The following GPR174 variants were observed in gnomAD, a reference collection of about 807,000 sequenced individuals.
GPR174 encodes the protein probable G protein-coupled receptor 174.
A neutral mutation model predicts 16.5 loss-of-function variants in GPR174; 8 were observed. The observed-to-expected ratio is 0.48, with a 90% CI of 0.28 to 0.87. GPR174 has a LOEUF of 0.87. Among genes scored for constraint, GPR174 ranks in the 40% least tolerant of loss-of-function variants. The probability of loss-of-function intolerance (pLI) is 0.09; values close to 1 mark genes in which losing one functional copy is unlikely to be tolerated. For synonymous variants in GPR174, 111 were observed against 94.8 expected, an observed-to-expected ratio of 1.17 and a Z score of -0.99; for missense variants, 214 against 247.5, an observed-to-expected ratio of 0.86 and a Z score of 0.91.
chrX:79,171,852 GT>G lies in GPR174; in HGVS notation c.846del (p.Leu283Ter). 2.5e-6 allele frequency: 3 copies of G among 1,211,223 alleles called. No individual in the cohort carries two copies. The highest frequency in any genetic ancestry group is 2.2e-6 in the Non-Finnish European group (2 of 895,316). Reference protein sequence around the residue: ...IFHSVALCLASLNSCLDPVIY... With the variant: ...IFHSVALCLAXLNSCLDPVIY... The stretch of plus-strand genomic sequence containing the variant: ...CATTCTGTGGCATTGTGTCTTGCTA[GT>G]CTGAATTCATGTCTTGACCCAGTCA... On this transcript the variant is annotated frameshift_variant, in exon 3 of 3. Transcript: ENST00000645147. LOFTEE classifies it high-confidence loss of function.
At chrX:79,168,844 C>A (rs1429389103) in intron 2 of GPR174, among the ~76,000 whole-genome samples, 1 of 111,165 alleles carries the variant, frequency 9.0e-6, no homozygotes, top group Non-Finnish European at 1.9e-5. Context: ...TATCAACTAC[C>A]ATCTTCATAG....
In GPR174 at chrX:79,171,348, T is replaced by C. The variant is rs1473557996; in HGVS notation, c.341T>C (p.Val114Ala). Residue 114 changes from valine (V) to alanine (A), a missense_variant, in exon 3 of 3, where the codon GTG (valine) becomes GCG (alanine). Transcript: ENST00000645147. ...ASIYFLVCISVRRFWFLMYPF... is the reference protein window; with the variant it reads ...ASIYFLVCISARRFWFLMYPF... ...ATCTACTTCTTGGTCTGCATCAGTG[T>C]GCGACGATTTTGGTTTCTCATGTAC... 1 of 1,211,753 alleles carries C rather than the reference T, an allele frequency of 8.3e-7. No homozygotes were observed. The highest frequency in any genetic ancestry group is 2.2e-5 in the Admixed American group (1 of 46,031).
At chrX:79,154,853 C>A (rs1602337588) in intron 1 of GPR174, among the ~76,000 whole-genome samples, 2 of 111,019 alleles carry the variant, frequency 1.8e-5, no homozygotes, top group South Asian at 3.8e-4. Context: ...CACCCTGTTT[C>A]TCTCAGCTTA....
At chrX:79,147,744 G>A (rs1926529659) in intron 1 of GPR174, among the ~76,000 whole-genome samples, 1 of 111,029 alleles carries the variant, frequency 9.0e-6, no homozygotes, top group African/African-American at 3.3e-5. Flanking sequence ...ATATGCGGTT[G>A]ATCAACTAAG....
Position 79,173,591 on chromosome X carries a change from C to T in GPR174, c.*1582C>T, listed in dbSNP as rs1921569322. Reference sequence around the variant, plus strand: ...TAGGCATACAGTTATGATACTAATACATTAGGGGAAAACTGGTGACATCAA... The same window carrying T: ...TAGGCATACAGTTATGATACTAATATATTAGGGGAAAACTGGTGACATCAA... On this transcript the variant is annotated 3_prime_UTR_variant, in exon 3 of 3. Coordinates refer to ENST00000645147, the MANE Select transcript of GPR174 (RefSeq NM_032553.3). 1 of 111,854 alleles carries T rather than the reference C, an allele frequency of 8.9e-6. No individual in the cohort carries two copies. Among genetic ancestry groups the T allele is most frequent in the Non-Finnish European group, 1.9e-5 (1 of 53,105 alleles). 9.2% of individuals were successfully genotyped at this position (111,854 alleles called of 1,213,427 possible). A position where few individuals can be genotyped will look rare whatever the true frequency, so the allele number is the denominator to read the frequency against.
rs1250200029 is a variant in GPR174 at position 79,170,812 on chromosome X, C to A, written c.-196C>A. On this transcript the variant is annotated 5_prime_UTR_variant, in exon 3 of 3. Coordinates refer to ENST00000645147, the MANE Select transcript of GPR174 (RefSeq NM_032553.3). Reference sequence around the variant, plus strand: ...GTAGTTACTCTAGAGAAATCTAAATCAAAAATGCAGATCATTCTTTGAAAA... The same window carrying A: ...GTAGTTACTCTAGAGAAATCTAAATAAAAAATGCAGATCATTCTTTGAAAA... 2.6e-5 allele frequency: 11 copies of A among 421,037 alleles called. No homozygotes were observed. Among genetic ancestry groups the A allele is most frequent in the South Asian group, 4.3e-5 (1 of 23,131 alleles). The allele number at this position is 421,037 out of a possible 1,213,427, so 34.7% of individuals were successfully genotyped here. A position where few individuals can be genotyped will look rare whatever the true frequency, so the allele number is the denominator to read the frequency against.
intron 2 of GPR174, among the ~76,000 whole-genome samples, chrX:79,166,209 G>T (rs1921356888): frequency 9.0e-6 from 1 of 111,361 alleles, no homozygotes. Flanking sequence ...CAGATATTTG[G>T]CTACATGTAA....
At chrX:79,153,435 G>A (rs960316640) in intron 1 of GPR174, among the ~76,000 whole-genome samples, 3 of 111,614 alleles carry the variant, frequency 2.7e-5, no homozygotes, top group African/African-American at 6.5e-5. Flanking sequence ...AATAACATTC[G>A]TCTTATTTTA....
intron 2 of GPR174, among the ~76,000 whole-genome samples, chrX:79,160,625 A>C (rs1176228696): frequency 8.9e-6 from 1 of 111,848 alleles, no homozygotes; most frequent in African/African-American, 3.3e-5. Flanking sequence ...AGATTTCATG[A>C]AGATGTATAC....
chrX:79,146,922 T>G (rs1203169382), intron 1 of GPR174, among the ~76,000 whole-genome samples: 1 of 111,378 alleles, frequency 9.0e-6, no homozygotes, highest in Non-Finnish European at 1.9e-5. Context: ...CTCCTTTTCC[T>G]GATCTCCACC....
intron 1 of GPR174, among the ~76,000 whole-genome samples, chrX:79,152,899 G>A (rs1300918601): frequency 8.9e-6 from 1 of 111,988 alleles, no homozygotes; most frequent in African/African-American, 3.2e-5. Context: ...AAAATACCTT[G>A]TGCTACTGGA....
At chrX:79,168,691 G>A (rs904829026) in intron 2 of GPR174, among the ~76,000 whole-genome samples, 1 of 110,284 alleles carries the variant, frequency 9.1e-6, no homozygotes, top group Non-Finnish European at 1.9e-5. Context: ...ATAAGACAGA[G>A]CTGTCTTGTC....
Position 79,171,821 on chromosome X carries a change from A to G in GPR174, c.814A>G (p.Ile272Val), listed in dbSNP as rs1020030761. The change falls in exon 3 of 3, where the codon ATA (isoleucine) becomes GTA (valine). Residue 272 changes from isoleucine to valine, a missense_variant. Physicochemically the swap from Ile to Val is conservative, Grantham distance 29 (BLOSUM62 3). Coordinates refer to ENST00000645147, the MANE Select transcript of GPR174 (RefSeq NM_032553.3). ...KSCLARRVIL[I>V]FHSVALCLAS... Reference sequence around the variant, plus strand: ...CTGCCTAGCCAGAAGGGTGATTCTAATATTTCATTCTGTGGCATTGTGTCT... The same window carrying G: ...CTGCCTAGCCAGAAGGGTGATTCTAGTATTTCATTCTGTGGCATTGTGTCT... 21 of 1,208,729 alleles carry G rather than the reference A, an allele frequency of 1.7e-5. No individual in the cohort carries two copies. Among genetic ancestry groups the G allele is most frequent in the Non-Finnish European group, 2.3e-5 (21 of 894,670 alleles).
At chrX:79,153,346 T>A (rs1921023490) in intron 1 of GPR174, among the ~76,000 whole-genome samples, 1 of 112,122 alleles carries the variant, frequency 8.9e-6, no homozygotes, top group Non-Finnish European at 1.9e-5. Flanking sequence ...AAGGTATTGT[T>A]CATCTCATCA....
chrX:79,171,623 T>C lies in GPR174; in HGVS notation c.616T>C (p.Trp206Arg), dbSNP rs770700123. 3.3e-5 allele frequency: 40 copies of C among 1,209,429 alleles called. No individual in the cohort carries two copies. Among genetic ancestry groups the C allele is most frequent in the Non-Finnish European group, 4.4e-5 (39 of 895,157 alleles). Residue 206 changes from tryptophan (W) to arginine (R), a missense_variant, in exon 3 of 3, where the codon TGG becomes CGG. Trp to Arg is a moderately radical substitution (Grantham distance 101). Coordinates refer to ENST00000645147, the MANE Select transcript of GPR174 (RefSeq NM_032553.3). Reference protein sequence around the residue: ...TPLLIVLYCTWKTVLSLQDKY... With the variant: ...TPLLIVLYCTRKTVLSLQDKY... ...GCTTCTGATTGTCCTATATTGTACCTGGAAGACGGTTTTATCACTGCAAGA... is the reference window on the plus strand; with the variant it reads ...GCTTCTGATTGTCCTATATTGTACCCGGAAGACGGTTTTATCACTGCAAGA...
intron 1 of GPR174, among the ~76,000 whole-genome samples, chrX:79,151,688 C>T (rs893180391): frequency 1.6e-4 from 18 of 110,794 alleles, no homozygotes; most frequent in African/African-American, 5.2e-4. Flanking sequence ...GAAAAGGAGG[C>T]GGGGAATAGG....
Position 79,171,968 on chromosome X carries a change from A to T in GPR174, c.961A>T (p.Ser321Cys), listed in dbSNP as rs1238285040. 8.3e-7 allele frequency: 1 copy of T among 1,205,665 alleles called. No homozygotes were observed. The change falls in exon 3 of 3, where the codon AGT becomes TGT. Residue 321 changes from serine to cysteine, a missense_variant. Physicochemically the swap from Ser to Cys is moderately radical, Grantham distance 112. Coordinates refer to ENST00000645147, the MANE Select transcript of GPR174 (RefSeq NM_032553.3). ...CCAACTCCATGCAAAATCCTTTGTG[A>T]GTAACCATACAGCTTCCACCATGAC... is the stretch of plus-strand genomic sequence containing the variant. ...SIQLHAKSFV[S>C]NHTASTMTPE... is the part of the protein sequence containing the mutation.
Position 79,171,202 on chromosome X carries a change from C to T in GPR174, c.195C>T (p.Asp65=). The T allele has an allele frequency of 1.7e-6, 2 of 1,208,055 alleles. No homozygotes were observed. Among genetic ancestry groups the T allele is most frequent in the Non-Finnish European group, 2.2e-6 (2 of 892,848 alleles). ...VIFMINLAIA[D]LLQVLSLPLR... Reference sequence around the variant, plus strand: ...TTATGATAAACTTAGCCATTGCTGACTTACTACAAGTTCTTTCCTTGCCAC... The same window carrying T: ...TTATGATAAACTTAGCCATTGCTGATTTACTACAAGTTCTTTCCTTGCCAC... Residue 65 remains aspartate (D), a synonymous_variant, in exon 3 of 3, where the codon GAC becomes GAT. Coordinates refer to ENST00000645147, the MANE Select transcript of GPR174 (RefSeq NM_032553.3).
At chrX:79,161,480 A>T (rs1921232898) in intron 2 of GPR174, among the ~76,000 whole-genome samples, 1 of 112,162 alleles carries the variant, frequency 8.9e-6, no homozygotes, top group African/African-American at 3.2e-5. Flanking sequence ...TTCTCTGTTT[A>T]GATTTTCACA....
Sources: allele counts gnomAD v4.1 joint callset (sites outside exome capture counted in the v4.1 genomes callset), GRCh38; gene constraint gnomAD v4.1.1; transcripts MANE v1.5; gene names NCBI Gene and HGNC (gene_info 2026-07-23, HGNC 2026-07-21).